CORO2B: variants seen among roughly 807,000 people sequenced by gnomAD.
The protein encoded by CORO2B is coronin-2B.
CORO2B carries 26 observed loss-of-function variants against 58.8 expected under a neutral mutation model. That is an observed-to-expected ratio of 0.44 (90% CI 0.32 to 0.61). The LOEUF (loss-of-function observed/expected upper bound fraction) is 0.61. Among genes scored for constraint, CORO2B ranks in the 20% least tolerant of loss-of-function variants. The pLI, the probability that CORO2B is intolerant of heterozygous loss-of-function variation, is 0.04. For synonymous variants in CORO2B, 242 were observed against 253.8 expected, an observed-to-expected ratio of 0.95 and a Z score of 0.44; for missense variants, 460 against 645.1, an observed-to-expected ratio of 0.71 and a Z score of 3.11.
At chr15:68,562,717 G>A in the CORO2B span, among the ~76,000 whole-genome samples, 2 of 152,056 alleles carry the variant, frequency 1.3e-5, no homozygotes, top group African/African-American at 4.8e-5. Flanking sequence ...GCTCATGCCT[G>A]TAATTCCAGC....
At chr15:68,703,142 CTT>C (rs1370345259) in intron 3 of CORO2B, among the ~76,000 whole-genome samples, 1 of 104,534 alleles carries the variant, frequency 9.6e-6, no homozygotes, top group East Asian at 3.3e-4. Context: ...CCATATCTTT[CTT>C]TTTTTCTTTT....
chr15:68,618,221 C>G (rs1036157594), intron 1 of CORO2B, among the ~76,000 whole-genome samples: 5 of 152,190 alleles, frequency 3.3e-5, no homozygotes, highest in Non-Finnish European at 7.3e-5. Context: ...CTTTTCTACT[C>G]TGCTTCATTT....
chr15:68,623,571 C>T (rs1900585943), intron 1 of CORO2B, among the ~76,000 whole-genome samples: 1 of 151,844 alleles, frequency 6.6e-6, no homozygotes, highest in Non-Finnish European at 1.5e-5. Flanking sequence ...GGCTGGAGGA[C>T]CAGGAGTCAT....
chr15:68,695,087 C>A, intron 2 of CORO2B, 53 bp from the exon 3 acceptor site: 1 of 1,435,662 alleles, frequency 7.0e-7, no homozygotes, highest in Non-Finnish European at 9.8e-7. Flanking sequence ...TCAAGGCCAC[C>A]CCAGGGCCAT....
chr15:68,655,209 CTA>C (rs1901767997), intron 2 of CORO2B, among the ~76,000 whole-genome samples: 1 of 152,202 alleles, frequency 6.6e-6, no homozygotes, highest in Non-Finnish European at 1.5e-5. Context: ...CAAATCTGAG[CTA>C]TATTTCTTCT....
the CORO2B span, among the ~76,000 whole-genome samples, chr15:68,526,022 G>A: frequency 3.3e-5 from 5 of 152,256 alleles, no homozygotes; most frequent in South Asian, 2.1e-4. Context: ...GAAGTCATAA[G>A]TATGTACTCT....
At chr15:68,564,307 C>CTT in the CORO2B span, among the ~76,000 whole-genome samples, 1 of 142,584 alleles carries the variant, frequency 7.0e-6, no homozygotes. Context: ...GCAGTGAAAT[C>CTT]TTTTTTTTTT....
At chr15:68,623,113 C>T (rs759859165) in intron 1 of CORO2B, among the ~76,000 whole-genome samples, 19 of 151,990 alleles carry the variant, frequency 1.3e-4, no homozygotes, top group South Asian at 4.2e-4. Flanking sequence ...TGCAGTGAGC[C>T]GAGATCACGC....
intron 8 of CORO2B, among the ~76,000 whole-genome samples, chr15:68,717,748 C>A (rs1893065911): frequency 1.3e-5 from 2 of 152,208 alleles, no homozygotes; most frequent in South Asian, 4.1e-4. Flanking sequence ...ACCATTTCAC[C>A]CCTTACCTCC....
intron 1 of CORO2B, among the ~76,000 whole-genome samples, chr15:68,581,471 C>T (rs1899422976): frequency 6.6e-6 from 1 of 152,200 alleles, no homozygotes; most frequent in African/African-American, 2.4e-5. Context: ...GGGAAAGCCA[C>T]CATGCTCTGG....
chr15:68,565,232 G>C, the CORO2B span, among the ~76,000 whole-genome samples: 1 of 151,882 alleles, frequency 6.6e-6, no homozygotes, highest in African/African-American at 2.4e-5. Flanking sequence ...TTAATATATT[G>C]ATATATTTTC....
intron 1 of CORO2B, among the ~76,000 whole-genome samples, chr15:68,597,646 AAAT>A (rs1899873429): frequency 1.3e-5 from 2 of 151,990 alleles, no homozygotes; most frequent in African/African-American, 4.8e-5. Context: ...AAAAATAAAT[AAAT>A]AAAAAATAAA....
intron 2 of CORO2B, among the ~76,000 whole-genome samples, chr15:68,656,168 G>A (rs1168011568): frequency 2.7e-5 from 2 of 74,974 alleles, no homozygotes; most frequent in East Asian, 3.4e-4. Context: ...CCCTCGCACC[G>A]TCCCCCCCGC....
intron 2 of CORO2B, among the ~76,000 whole-genome samples, chr15:68,658,720 A>G (rs1901914116): frequency 6.6e-6 from 1 of 152,230 alleles, no homozygotes; most frequent in African/African-American, 2.4e-5. Flanking sequence ...TGGGATTGGA[A>G]CAAGGTGTAA....
intron 1 of CORO2B, among the ~76,000 whole-genome samples, chr15:68,597,512 C>T (rs1899865158): frequency 6.6e-6 from 1 of 151,926 alleles, no homozygotes; most frequent in Non-Finnish European, 1.5e-5. Context: ...AACCAGGGTT[C>T]TATTGCATCC....
intron 10 of CORO2B, 31 bp downstream of exon 10, chr15:68,719,265 GGCGGCT>G (rs1206783037): frequency 1.9e-6 from 3 of 1,608,356 alleles, no homozygotes; most frequent in Non-Finnish European, 2.6e-6. Flanking sequence ...ACAGAGCACA[GGCGGCT>G]GCAGCCTTTG....
intron 11 of CORO2B, among the ~76,000 whole-genome samples, chr15:68,723,116 CTTTTTT>C (rs767517372): frequency 1.6e-4 from 15 of 91,468 alleles, no homozygotes; most frequent in Admixed American, 8.3e-4. Context: ...TACATACATT[CTTTTTT>C]TTTTTTTTTT....
the CORO2B span, among the ~76,000 whole-genome samples, chr15:68,536,857 A>T: frequency 3.0e-3 from 452 of 152,318 alleles, 1 homozygote; most frequent in African/African-American, 0.01. Context: ...TATGCCCTTC[A>T]TCAGCCCTTC....
At chr15:68,595,449 T>C (rs1899802479) in intron 1 of CORO2B, among the ~76,000 whole-genome samples, 1 of 152,222 alleles carries the variant, frequency 6.6e-6, no homozygotes, top group South Asian at 2.1e-4. Context: ...AGCCTGTGGC[T>C]CCAGGCCCTG....
Sources: allele counts gnomAD v4.1 joint callset (sites outside exome capture counted in the v4.1 genomes callset), GRCh38; gene constraint gnomAD v4.1.1; transcripts MANE v1.5; gene names NCBI Gene and HGNC (gene_info 2026-07-23, HGNC 2026-07-21).